ZNF207: variants seen among roughly 807,000 people sequenced by gnomAD.
The protein encoded by ZNF207 is zinc finger protein 207, also known as BUB3-interacting and GLEBS motif-containing protein ZNF207.
A neutral mutation model predicts 60.2 loss-of-function variants in ZNF207; 24 were observed. That is an observed-to-expected ratio of 0.40 (90% confidence interval 0.29 to 0.56). ZNF207 has a LOEUF of 0.56. ZNF207 is among the 20% of genes least tolerant of loss of function. ZNF207 has a pLI of 0.49. For missense variants in ZNF207, 452 were observed against 636.6 expected (o/e 0.71, Z 3.12); for synonymous variants, 236 against 194.7 (o/e 1.21, Z -1.77).
chr17:32,351,909 G>A lies in ZNF207; in HGVS notation c.165G>A (p.Met55Ile). 1 of 1,551,318 alleles carries A rather than the reference G, an allele frequency of 6.4e-7. No homozygotes were observed. Among genetic ancestry groups the A allele is most frequent in the Non-Finnish European group, 8.7e-7 (1 of 1,146,976 alleles). ...YTGPGLAIHCMQVHKETIDAV... is the reference protein window; with the variant it reads ...YTGPGLAIHCIQVHKETIDAV... ...GACCTGGCTTAGCTATTCATTGCAT[G>A]CAGGTAAGGATTTTTCTTCTGTATT... Residue 55 changes from methionine to isoleucine, a missense_variant, in exon 2 of 12, where the codon ATG becomes ATA. Met to Ile is a conservative substitution (Grantham distance 10). Transcript: ENST00000394670.
chr17:32,358,756 T>C (rs1348312865), intron 3 of ZNF207, 115 bp downstream of exon 3: 1 of 773,450 alleles, frequency 1.3e-6, no homozygotes, highest in Non-Finnish European at 1.8e-6. Context: ...TGATCTGGGC[T>C]CTCTGCATCT....
At chr17:32,365,228 T>G in intron 7 of ZNF207, 102 bp from the exon 8 acceptor site, 1 of 1,262,746 alleles carries the variant, frequency 7.9e-7, no homozygotes, top group Non-Finnish European at 1.1e-6. Context: ...TTTAGTCGAG[T>G]CATTGAGCAG....
chr17:32,374,805 A>G lies in ZNF207; in HGVS notation c.*5046A>G, dbSNP rs1210332168. 6.6e-6 allele frequency: 1 copy of G among 152,218 alleles called. No individual in the cohort carries two copies. Among genetic ancestry groups the G allele is most frequent in the African/African-American group, 2.4e-5 (1 of 41,452 alleles). 9.4% of individuals were successfully genotyped at this position (152,218 alleles called of 1,614,324 possible). On this transcript the variant is annotated 3_prime_UTR_variant, in exon 12 of 12. Coordinates refer to ENST00000394670, the MANE Select transcript of ZNF207 (RefSeq NM_001098507.2). ...GAAATTTGATACCTGATCCTGTGGT[A>G]AAGTATGTTAAACTATGGTTTTGGA...
intron 3 of ZNF207, 151 bp from the exon 4 acceptor site, chr17:32,360,446 AT>A: frequency 1.4e-6 from 1 of 694,210 alleles, no homozygotes; most frequent in South Asian, 2.1e-5. Flanking sequence ...GCGAAAACAC[AT>A]TTGAAGAACA....
At chr17:32,365,544 T>C in intron 8 of ZNF207, 57 bp downstream of exon 8, 3 of 1,470,872 alleles carry the variant, frequency 2.0e-6, no homozygotes, top group South Asian at 3.1e-5. Flanking sequence ...AGTACAGTTG[T>C]TTACAGAAGT....
chr17:32,350,245 T>C lies in ZNF207; in HGVS notation c.-41T>C. 1 of 1,613,890 alleles carries C rather than the reference T, an allele frequency of 6.2e-7. No homozygotes were observed. Among genetic ancestry groups the C allele is most frequent in the African/African-American group, 1.3e-5 (1 of 75,048 alleles). On this transcript the variant is annotated 5_prime_UTR_variant, in exon 1 of 12. Transcript: ENST00000394670. ...GGATTTTTGGCCTCGTTTCTCCTGC[T>C]TCTTTTCTCCTCCCTTTTACTTTGC...
rs769756363 is a variant in ZNF207, at chr17:32,360,771, A to C, written c.475+6A>C. 1 of 1,613,634 alleles carries C rather than the reference A, an allele frequency of 6.2e-7. No individual in the cohort carries two copies. On this transcript the variant is annotated splice_donor_region_variant and intron_variant, in intron 4 of 11. Transcript: ENST00000394670. ...AGCACCAGGAATGCCTCCAGGTAGCACATAGGATTGCTTAAAATCTAACAT... is the reference window on the plus strand; with the variant it reads ...AGCACCAGGAATGCCTCCAGGTAGCCCATAGGATTGCTTAAAATCTAACAT...
intron 8 of ZNF207, 24 bp downstream of exon 8, chr17:32,365,511 A>C (rs752460596): frequency 6.2e-7 from 1 of 1,611,118 alleles, no homozygotes; most frequent in African/African-American, 1.3e-5. Flanking sequence ...CCTGAAAAGG[A>C]GTGCACTTAT....
chr17:32,351,097 A>G (rs181881989), intron 1 of ZNF207: 223 of 160,022 alleles, frequency 1.4e-3, no homozygotes, highest in Middle Eastern at 3.2e-3. Flanking sequence ...TTGTTACAGT[A>G]CTGCGTTTAT....
At chr17:32,353,097 C>G (rs1346988713) in intron 2 of ZNF207, among the ~76,000 whole-genome samples, 1 of 152,130 alleles carries the variant, frequency 6.6e-6, no homozygotes, top group East Asian at 1.9e-4. Context: ...TCATTTGAAC[C>G]CTGGAGGCAG....
intron 2 of ZNF207, among the ~76,000 whole-genome samples, chr17:32,357,181 TAAAAA>T (rs78618463): frequency 1.4e-5 from 2 of 141,634 alleles, no homozygotes; most frequent in Non-Finnish European, 3.0e-5. Flanking sequence ...GACCCTGTCT[TAAAAA>T]AAAAAAAAAG....
At chr17:32,353,604 A>G (rs953303643) in intron 2 of ZNF207, among the ~76,000 whole-genome samples, 4 of 148,200 alleles carry the variant, frequency 2.7e-5, no homozygotes, top group African/African-American at 9.9e-5. Context: ...CAACGTGGTG[A>G]AACCCCATCT....
intron 11 of ZNF207, 31 bp from the exon 12 acceptor site, chr17:32,369,568 A>AT: frequency 2.6e-6 from 4 of 1,564,470 alleles, no homozygotes; most frequent in South Asian, 2.4e-5. Context: ...TTAACAATCT[A>AT]TTTTTTTGTG....
chr17:32,362,236 GC>G (rs1904930496), intron 6 of ZNF207, among the ~76,000 whole-genome samples: 1 of 152,040 alleles, frequency 6.6e-6, no homozygotes, highest in Non-Finnish European at 1.5e-5. Flanking sequence ...GCTTACTGCA[GC>G]CTTGACCTCC....
Position 32,371,608 on chromosome 17 carries a change from G to GC in ZNF207, c.*1850dup, listed in dbSNP as rs1905463967. The GC allele has an allele frequency of 1.3e-5, 2 of 152,124 alleles. No individual in the cohort carries two copies. The highest frequency in any genetic ancestry group is 1.3e-4 in the Admixed American group (2 of 15,266). The allele number at this position is 152,124 out of a possible 1,614,324, so 9.4% of individuals were successfully genotyped here. ...TACAAAACATTTAAAAATTAGCCAG[G>GC]CGCGTTAGTGTGTGTCTGTGGTCCC... On this transcript the variant is annotated 3_prime_UTR_variant, in exon 12 of 12. Coordinates refer to ENST00000394670, the MANE Select transcript of ZNF207 (RefSeq NM_001098507.2).
chr17:32,379,693 T>A lies in ZNF207; in HGVS notation c.*9934T>A, dbSNP rs1905808485. On this transcript the variant is annotated 3_prime_UTR_variant, in exon 12 of 12. Transcript: ENST00000394670. ...AAAATTCTTCCTGCAGACTAGTTGC[T>A]TACAGGGTTTCTTTGAGAGGCTTAA... The A allele has an allele frequency of 6.6e-6, 1 of 152,128 alleles. No individual in the cohort carries two copies. Among genetic ancestry groups the A allele is most frequent in the Non-Finnish European group, 1.5e-5 (1 of 67,988 alleles). 9.4% of individuals were successfully genotyped at this position (152,128 alleles called of 1,614,324 possible).
In ZNF207 at chr17:32,365,346, TC is replaced by T; in HGVS notation, c.689del (p.Pro230HisfsTer8). ...TCTCTGCAGGTATGCCCCCACCTGT[TC>T]CACGTCCTGGAATTCCTCCAATGAC... Reference protein sequence around the residue: ...GMPPGMPPPVPRPGIPPMTQA... With the variant: ...GMPPGMPPPVXRPGIPPMTQA... On this transcript the variant is annotated frameshift_variant, in exon 8 of 12. Coordinates refer to ENST00000394670, the MANE Select transcript of ZNF207 (RefSeq NM_001098507.2). LOFTEE classifies it high-confidence loss of function. 6.2e-7 allele frequency: 1 copy of T among 1,614,006 alleles called. No homozygotes were observed. Among genetic ancestry groups the T allele is most frequent in the Non-Finnish European group, 8.5e-7 (1 of 1,179,936 alleles).
Position 32,380,463 on chromosome 17 carries a change from TAAAGA to T in ZNF207, c.*10708_*10712del, listed in dbSNP as rs1905839470. The stretch of plus-strand genomic sequence containing the variant: ...TTGCAGGGTAGAAATAAGTGGCTGT[TAAAGA>T]AAATATCTTCAAGAAGGATTATTTC... On this transcript the variant is annotated 3_prime_UTR_variant, in exon 12 of 12. Coordinates refer to ENST00000394670, the MANE Select transcript of ZNF207 (RefSeq NM_001098507.2). 6.6e-6 allele frequency: 1 copy of T among 152,210 alleles called. No homozygotes were observed. The highest frequency in any genetic ancestry group is 2.4e-5 in the African/African-American group (1 of 41,446). 9.4% of individuals were successfully genotyped at this position (152,210 alleles called of 1,614,324 possible). A position where few individuals can be genotyped will look rare whatever the true frequency, so the allele number is the denominator to read the frequency against.
chr17:32,350,509 G>A (rs962119118), intron 1 of ZNF207, among the ~76,000 whole-genome samples, 183 bp downstream of exon 1: 1 of 152,110 alleles, frequency 6.6e-6, no homozygotes, highest in Non-Finnish European at 1.5e-5. Flanking sequence ...GAGGTCGACA[G>A]GCTTTTGCAG....
Sources: allele counts gnomAD v4.1 joint callset (sites outside exome capture counted in the v4.1 genomes callset), GRCh38; gene constraint gnomAD v4.1.1; transcripts MANE v1.5; gene names NCBI Gene and HGNC (gene_info 2026-07-23, HGNC 2026-07-21).